DPYD: variants seen among roughly 807,000 people sequenced by gnomAD.
DPYD encodes the protein dihydropyrimidine dehydrogenase [NADP(+)].
DPYD carries 109 observed loss-of-function variants against 116.2 expected under a neutral mutation model. That is an observed-to-expected ratio of 0.94 (90% CI 0.80 to 1.10). The LOEUF (loss-of-function observed/expected upper bound fraction) is 1.10. DPYD is among the 50% of genes least tolerant of loss of function. The pLI, the probability that DPYD is intolerant of heterozygous loss-of-function variation, is 0.00. For missense variants in DPYD, 1,302 were observed against 1,254.5 expected, an observed-to-expected ratio of 1.04 and a Z score of -0.57; for synonymous variants, 440 against 432.0, an observed-to-expected ratio of 1.02 and a Z score of -0.23.
intron 13 of DPYD, chr1:97,514,206 G>C (rs183981022): frequency 2.3e-4 from 226 of 984,962 alleles, no homozygotes; most frequent in Non-Finnish European, 2.6e-4. Context: ...TCCTAATAAA[G>C]GCAAGTGCTC....
chr1:97,360,644 A>C (rs1670672488), intron 16 of DPYD, among the ~76,000 whole-genome samples: 1 of 152,224 alleles, frequency 6.6e-6, no homozygotes, highest in Non-Finnish European at 1.5e-5. Flanking sequence ...CTCAGGATTA[A>C]GAAACTCATT....
intron 18 of DPYD, among the ~76,000 whole-genome samples, chr1:97,304,839 G>A (rs1274488259): frequency 1.3e-5 from 2 of 151,954 alleles, no homozygotes; most frequent in African/African-American, 4.8e-5. Context: ...GCTTGTTTGG[G>A]ACAGTTGGGA....
At chr1:97,397,952 T>C (rs185224446) in intron 14 of DPYD, among the ~76,000 whole-genome samples, 4 of 152,176 alleles carry the variant, frequency 2.6e-5, no homozygotes, top group Non-Finnish European at 5.9e-5. Context: ...TGTCTTTTTT[T>C]TTTTAAATTA....
intron 7 of DPYD, among the ~76,000 whole-genome samples, chr1:97,682,711 C>T (rs961208254): frequency 1.1e-4 from 16 of 152,016 alleles, no homozygotes; most frequent in African/African-American, 3.1e-4. Flanking sequence ...AATCATATTA[C>T]GGGCATTTTG....
chr1:97,421,368 G>C (rs1674571757), intron 14 of DPYD, among the ~76,000 whole-genome samples: 1 of 152,048 alleles, frequency 6.6e-6, no homozygotes, highest in Non-Finnish European at 1.5e-5. Context: ...GATTTCCCAA[G>C]AGAAACGTGA....
intron 18 of DPYD, among the ~76,000 whole-genome samples, chr1:97,279,625 C>T (rs2203982): frequency 6.6e-6 from 1 of 152,198 alleles, no homozygotes; most frequent in African/African-American, 2.4e-5. Context: ...ATTCTCCTGC[C>T]TCAGCCTCCG....
intron 3 of DPYD, among the ~76,000 whole-genome samples, chr1:97,757,217 A>G (rs1471143157): frequency 1.3e-5 from 2 of 152,200 alleles, no homozygotes; most frequent in Non-Finnish European, 2.9e-5. Context: ...AAGTGAACAA[A>G]CAAACATTGC....
intron 13 of DPYD, among the ~76,000 whole-genome samples, chr1:97,487,639 C>A (rs1246414895): frequency 6.6e-6 from 1 of 152,162 alleles, no homozygotes; most frequent in Non-Finnish European, 1.5e-5. Context: ...CACCACTGCA[C>A]TCCAGCCTGG....
chr1:97,160,343 TC>T (rs57488249), intron 20 of DPYD, among the ~76,000 whole-genome samples: 152,179 of 152,182 alleles, frequency 1, 76,088 homozygotes, highest in Non-Finnish European at 1. Context: ...TGGAATATTT[TC>T]CCCTAAGCTC....
At chr1:97,192,354 A>T (rs1274868479) in intron 20 of DPYD, among the ~76,000 whole-genome samples, 3 of 150,510 alleles carry the variant, frequency 2.0e-5, no homozygotes, top group South Asian at 2.1e-4. Context: ...TCTTTTTTTT[A>T]AAGTTAATTA....
chr1:97,338,536 C>T (rs982864902), intron 16 of DPYD, among the ~76,000 whole-genome samples: 3 of 152,200 alleles, frequency 2.0e-5, no homozygotes, highest in African/African-American at 7.2e-5. Context: ...CAAGGTCTCA[C>T]ACAGTCCTTC....
intron 8 of DPYD, among the ~76,000 whole-genome samples, chr1:97,643,785 G>C (rs954441419): frequency 2.0e-5 from 3 of 152,112 alleles, no homozygotes; most frequent in Non-Finnish European, 4.4e-5. Context: ...CCTTTGCAGG[G>C]ACATGGATGA....
chr1:97,714,656 A>C (rs1157440852), intron 5 of DPYD, among the ~76,000 whole-genome samples: 1 of 102,084 alleles, frequency 9.8e-6, no homozygotes, highest in African/African-American at 3.7e-5. Context: ...AAGAAAAGAC[A>C]AAAAAAAAAA....
At chr1:97,733,565 C>T (rs1416691919) in intron 4 of DPYD, among the ~76,000 whole-genome samples, 1 of 151,960 alleles carries the variant, frequency 6.6e-6, no homozygotes, top group African/African-American at 2.4e-5. Flanking sequence ...TGCTTCTTAA[C>T]CTTCCATAAT....
intron 8 of DPYD, among the ~76,000 whole-genome samples, chr1:97,608,397 T>A (rs2100741780): frequency 6.6e-6 from 1 of 152,080 alleles, no homozygotes; most frequent in African/African-American, 2.4e-5. Flanking sequence ...ACTAGTGGGT[T>A]TGGAAATCCC....
rs1418395805 is a variant in DPYD, at chr1:97,212,428, T to G, written c.2443-19180A>C. 2.0e-5 allele frequency among the ~76,000 whole-genome samples: 3 copies of G among 152,146 alleles called. No homozygotes were observed. In the East Asian group the frequency reaches 5.8e-4, roughly 29 times the overall value. ...ATTTTATTGCTGAATAATATCTCAT[T>G]GTATGGATGTACCACCACATTTTGT... On this transcript the variant is annotated intron_variant, in intron 19 of 22. Coordinates refer to ENST00000370192, the MANE Select transcript of DPYD (RefSeq NM_000110.4).
At chr1:97,867,879 T>C (rs972388079) in intron 2 of DPYD, among the ~76,000 whole-genome samples, 9 of 151,614 alleles carry the variant, frequency 5.9e-5, no homozygotes, top group African/African-American at 9.7e-5. Flanking sequence ...CCAGAGCAAT[T>C]AGGCAAGAGA....
chr1:97,475,230 T>C (rs1677887136), intron 13 of DPYD, among the ~76,000 whole-genome samples: 1 of 152,126 alleles, frequency 6.6e-6, no homozygotes, highest in South Asian at 2.1e-4. Context: ...TGACATAGGA[T>C]AATTGATAAT....
At chr1:97,449,336 T>C (rs2101788564) in intron 14 of DPYD, among the ~76,000 whole-genome samples, 1 of 151,960 alleles carries the variant, frequency 6.6e-6, no homozygotes, top group East Asian at 1.9e-4. Flanking sequence ...TTGTGTATAT[T>C]TGAAAGAGAC....
Sources: gnomAD v4.1 joint callset for allele counts (sites outside exome capture counted in the v4.1 genomes callset) on GRCh38, gnomAD v4.1.1 for gene constraint, MANE v1.5 for transcripts, NCBI Gene and HGNC (gene_info 2026-07-23, HGNC 2026-07-21) for gene names.